Variants in BRD7 observed in about 807,000 individuals in gnomAD.
The protein encoded by BRD7 is bromodomain containing 7.
Under a neutral mutation model 82.1 loss-of-function variants are expected in BRD7, and 15 were observed. That is an observed-to-expected ratio of 0.18 (90% CI 0.12 to 0.28). The LOEUF (loss-of-function observed/expected upper bound fraction) is 0.28, where lower values mean the gene tolerates loss of function less well. BRD7 is among the 10% of genes least tolerant of loss of function. The probability of loss-of-function intolerance (pLI) is 1.00; values close to 1 mark genes in which losing one functional copy is unlikely to be tolerated. For missense variants in BRD7, 638 were observed against 779.9 expected, an observed-to-expected ratio of 0.82 and a Z score of 2.17; for synonymous variants, 232 against 266.9, an observed-to-expected ratio of 0.87 and a Z score of 1.27.
chr16:50,325,636 C>G, intron 11 of BRD7, 112 bp downstream of exon 11: 1 of 999,102 alleles, frequency 1.0e-6, no homozygotes, highest in Non-Finnish European at 1.4e-6. Flanking sequence ...AAAAAAATTA[C>G]TGAGCACATT....
intron 2 of BRD7, among the ~76,000 whole-genome samples, chr16:50,359,037 A>G (rs2038845496): frequency 6.6e-6 from 1 of 152,198 alleles, no homozygotes; most frequent in Non-Finnish European, 1.5e-5. Context: ...CTTTTTCATA[A>G]TTCAGAGTAT....
intron 12 of BRD7, among the ~76,000 whole-genome samples, chr16:50,322,535 G>A (rs1030341599): frequency 2.0e-5 from 3 of 152,122 alleles, no homozygotes; most frequent in African/African-American, 7.2e-5. Context: ...ATCAATCAAT[G>A]ATGTCATCTT....
rs143187051 is a variant in BRD7 at position 50,320,749 on chromosome 16, C to T, written c.1526G>A (p.Arg509His). Reference protein sequence around the residue: ...MEITEVEPPGRLDSSTQDRLI... With the variant: ...MEITEVEPPGHLDSSTQDRLI... ...CCTGTCTTGAGTACTGGAGTCCAAACGCCCTGGTGGCTCTACTTCTGTAAT... is the reference window on the plus strand; with the variant it reads ...CCTGTCTTGAGTACTGGAGTCCAAATGCCCTGGTGGCTCTACTTCTGTAAT... Residue 509 changes from arginine to histidine, a missense_variant, in exon 14 of 17, where the codon CGT (arginine) becomes CAT (histidine). By Grantham distance (29) the Arg-to-His change is conservative (BLOSUM62 0). This residue lies in a region of BRD7 where 402 missense variants were observed against 500.8 expected (regional missense o/e 0.80). Transcript: ENST00000394688. 681 of 1,614,050 alleles carry T rather than the reference C, an allele frequency of 4.2e-4. 3 individuals carry two copies. The African/African-American group carries it at 7.3e-3, about 17-fold the overall frequency.
intron 2 of BRD7, among the ~76,000 whole-genome samples, chr16:50,357,632 T>A (rs2038785320): frequency 6.6e-6 from 1 of 152,042 alleles, no homozygotes; most frequent in African/African-American, 2.4e-5. Context: ...TAGAAAAAAC[T>A]CATCCAGTGC....
Position 50,334,771 on chromosome 16 carries a change from C to T in BRD7, c.827G>A (p.Arg276Lys), listed in dbSNP as rs781455203. The T allele has an allele frequency of 1.5e-5, 25 of 1,614,016 alleles. No individual in the cohort carries two copies. Among genetic ancestry groups the T allele is most frequent in the Middle Eastern group, 1.7e-4 (1 of 6,052 alleles). The change falls in exon 7 of 17, where the codon AGA (arginine) becomes AAA (lysine). Residue 276 changes from arginine to lysine, a missense_variant. Physicochemically the swap from Arg to Lys is conservative, Grantham distance 26. This residue lies in a region of BRD7 where 402 missense variants were observed against 500.8 expected (regional missense o/e 0.80). Coordinates refer to ENST00000394688, the MANE Select transcript of BRD7 (RefSeq NM_013263.5). ...TGCTTCGGCATCTCCAGAGTCCTCT[C>T]TCTCTCTCTGCCAGCAGCCTCCGTC... Reference protein sequence around the residue: ...GEDGGCWQREREDSGDAEAHA... With the variant: ...GEDGGCWQREKEDSGDAEAHA...
intron 2 of BRD7, among the ~76,000 whole-genome samples, chr16:50,361,091 T>C (rs873269): frequency 3.3e-4 from 50 of 152,340 alleles, no homozygotes; most frequent in African/African-American, 1.2e-3. Context: ...CAGTACGAGA[T>C]ACTAACAGCA....
At chr16:50,363,444 G>A (rs1459501680) in intron 2 of BRD7, among the ~76,000 whole-genome samples, 1 of 152,342 alleles carries the variant, frequency 6.6e-6, no homozygotes, top group African/African-American at 2.4e-5. Context: ...TAGGGGTGGT[G>A]TCTTGTGGAA....
At position 50,319,092 on chromosome 16, in the gene BRD7, C is replaced by T. The variant is rs985587359; in HGVS notation, c.*119G>A. 4.0e-6 allele frequency: 4 copies of T among 993,674 alleles called. No homozygotes were observed. In the Admixed American group the frequency reaches 7.9e-5, roughly 20 times the overall value. The allele number at this position is 993,674 out of a possible 1,614,324, so 61.6% of individuals were successfully genotyped here. On this transcript the variant is annotated 3_prime_UTR_variant, in exon 17 of 17. Coordinates refer to ENST00000394688, the MANE Select transcript of BRD7 (RefSeq NM_013263.5). Reference sequence around the variant, plus strand: ...GTCCAACCTCTGGAACATCCAAATTCGCTGTTCCAAAGTTTAATTAAAAAC... The same window carrying T: ...GTCCAACCTCTGGAACATCCAAATTTGCTGTTCCAAAGTTTAATTAAAAAC...
chr16:50,337,953 G>C (rs974234115), intron 6 of BRD7, among the ~76,000 whole-genome samples: 1 of 152,104 alleles, frequency 6.6e-6, no homozygotes. Flanking sequence ...TATTTTCTGT[G>C]CTTTCAACCA....
intron 2 of BRD7, among the ~76,000 whole-genome samples, chr16:50,358,438 G>T (rs2038822861): frequency 1.4e-5 from 2 of 147,296 alleles, no homozygotes; most frequent in Admixed American, 6.9e-5. Context: ...GGAGGTTGCG[G>T]TAAGTCGAGA....
intron 2 of BRD7, chr16:50,361,950 A>G (rs536826220): frequency 6.6e-6 from 1 of 152,286 alleles, no homozygotes; most frequent in Admixed American, 6.5e-5. Flanking sequence ...CAGCACATAA[A>G]TAAAAATTGG....
At chr16:50,326,434 C>CCCGTGGGTCATGGCCATGT in intron 9 of BRD7, 43 bp from the exon 10 acceptor site, 1 of 1,401,482 alleles carries the variant, frequency 7.1e-7, no homozygotes, top group Non-Finnish European at 9.6e-7. Flanking sequence ...CCTACATGGC[C>CCCGTGGGTCATGGCCATGT]ATGACCCACG....
chr16:50,336,045 T>C (rs949134803), intron 6 of BRD7, among the ~76,000 whole-genome samples: 9 of 152,224 alleles, frequency 5.9e-5, no homozygotes, highest in African/African-American at 2.2e-4. Context: ...AACCATTACA[T>C]AACCCAGCAA....
chr16:50,352,743 T>G (rs896226912), intron 4 of BRD7, among the ~76,000 whole-genome samples: 1 of 151,400 alleles, frequency 6.6e-6, no homozygotes, highest in East Asian at 1.9e-4. Context: ...GCATTCTAAT[T>G]GGGGTGAGGT....
At chr16:50,332,484 C>T (rs1162586211) in intron 8 of BRD7, among the ~76,000 whole-genome samples, 1 of 151,944 alleles carries the variant, frequency 6.6e-6, no homozygotes, top group Non-Finnish European at 1.5e-5. Flanking sequence ...ACTAAAAACT[C>T]AAAAAATAAG....
Position 50,334,856 on chromosome 16 carries a change from C to G in BRD7, c.742G>C (p.Ala248Pro), listed in dbSNP as rs756484805. 1.2e-6 allele frequency: 2 copies of G among 1,614,142 alleles called. No homozygotes were observed. The highest frequency in any genetic ancestry group is 2.7e-5 in the African/African-American group (2 of 75,032). ...QSLKQSIDFM[A>P]DLQKTRKQKD... ...TGCTTTCGAGTTTTCTGCAAGTCAGCCATGAAGTCTATGCTCTGCTTCAGG... is the reference window on the plus strand; with the variant it reads ...TGCTTTCGAGTTTTCTGCAAGTCAGGCATGAAGTCTATGCTCTGCTTCAGG... Residue 248 changes from alanine to proline, a missense_variant, in exon 7 of 17, where the codon GCT becomes CCT. Around this residue, in one of 3 missense-constraint regions of BRD7, gnomAD observed 402 missense variants for 500.8 expected, o/e 0.80. Transcript: ENST00000394688.
chr16:50,332,200 T>A (rs1486919647), intron 8 of BRD7, among the ~76,000 whole-genome samples: 1 of 151,974 alleles, frequency 6.6e-6, no homozygotes, highest in Non-Finnish European at 1.5e-5. Context: ...TAAAGAAACA[T>A]CCCGCAGAAC....
intron 5 of BRD7, among the ~76,000 whole-genome samples, chr16:50,342,229 G>A (rs1463854919): frequency 6.6e-6 from 1 of 152,024 alleles, no homozygotes; most frequent in Admixed American, 6.6e-5. Flanking sequence ...GCAATGGTAA[G>A]GTCAGAAATA....
At chr16:50,326,242 A>C in intron 10 of BRD7, 42 bp downstream of exon 10, 2 of 1,540,560 alleles carry the variant, frequency 1.3e-6, no homozygotes, top group Non-Finnish European at 1.8e-6. Context: ...TAATATCCCA[A>C]AACAGAGAAG....
Sources: gnomAD v4.1 joint callset for allele counts (sites outside exome capture counted in the v4.1 genomes callset) on GRCh38, gnomAD v4.1.1 for gene constraint, gnomAD v4.1.1 regional missense constraint, MANE v1.5 for transcripts, NCBI Gene and HGNC (gene_info 2026-07-23, HGNC 2026-07-21) for gene names.